The following PRKN variants were observed in gnomAD, a reference collection of about 807,000 sequenced individuals.
PRKN encodes E3 ubiquitin-protein ligase parkin.
Under a neutral mutation model 59.5 loss-of-function variants are expected in PRKN, and 56 were observed. That is an observed-to-expected ratio of 0.94 (90% CI 0.76 to 1.18). The LOEUF (loss-of-function observed/expected upper bound fraction) is 1.18. PRKN is among the 50% of genes most tolerant of loss of function. PRKN has a pLI of 0.00. For missense variants in PRKN, 657 were observed against 596.4 expected, an observed-to-expected ratio of 1.10 and a Z score of -1.06; for synonymous variants, 250 against 222.1, an observed-to-expected ratio of 1.13 and a Z score of -1.12.
chr6:161,531,151 G>T (rs1375443160), intron 9 of PRKN, among the ~76,000 whole-genome samples: 2 of 152,158 alleles, frequency 1.3e-5, no homozygotes, highest in Non-Finnish European at 2.9e-5. Flanking sequence ...GGAGGCTGAG[G>T]CGGGCAGATC....
chr6:161,520,245 GAA>G (rs1412579172), intron 9 of PRKN, among the ~76,000 whole-genome samples: 2 of 24,624 alleles, frequency 8.1e-5, no homozygotes, highest in African/African-American at 2.6e-4. Context: ...TTTTTTTTGA[GAA>G]AGAGTCTTGC....
intron 6 of PRKN, among the ~76,000 whole-genome samples, chr6:161,947,168 T>C (rs1562410139): frequency 6.6e-6 from 1 of 152,236 alleles, no homozygotes; most frequent in East Asian, 1.9e-4. Context: ...TATATGCATG[T>C]ACATACCTTT....
At chr6:161,876,428 C>A (rs1794733853) in intron 6 of PRKN, among the ~76,000 whole-genome samples, 1 of 152,138 alleles carries the variant, frequency 6.6e-6, no homozygotes, top group African/African-American at 2.4e-5. Flanking sequence ...CCCTTCACCC[C>A]AGCCACCCAA....
At chr6:162,715,844 TGG>T in intron 1 of PRKN, among the ~76,000 whole-genome samples, 1 of 152,336 alleles carries the variant, frequency 6.6e-6, no homozygotes, top group South Asian at 2.1e-4. Flanking sequence ...GCCATCTTGC[TGG>T]GGCCAGCCTC....
intron 6 of PRKN, among the ~76,000 whole-genome samples, chr6:161,869,957 T>G (rs1794277862): frequency 6.6e-6 from 1 of 152,240 alleles, no homozygotes; most frequent in Non-Finnish European, 1.5e-5. Flanking sequence ...TTCAGCCCAT[T>G]TTATTATTTT....
intron 2 of PRKN, among the ~76,000 whole-genome samples, chr6:162,276,352 T>A (rs565955770): frequency 2.6e-5 from 4 of 152,316 alleles, no homozygotes; most frequent in African/African-American, 9.6e-5. Flanking sequence ...AATCATAGTT[T>A]AAGTTTTTCT....
intron 6 of PRKN, among the ~76,000 whole-genome samples, chr6:161,856,177 C>T (rs1333833126): frequency 2.0e-5 from 3 of 151,906 alleles, no homozygotes; most frequent in Non-Finnish European, 2.9e-5. Context: ...CTGGTCAACA[C>T]GGTGAAACCC....
intron 9 of PRKN, among the ~76,000 whole-genome samples, chr6:161,495,313 C>T (rs936650417): frequency 1.3e-5 from 2 of 152,138 alleles, no homozygotes; most frequent in Admixed American, 6.5e-5. Context: ...TAGTTGTTAA[C>T]GTGTCAGACA....
rs530383922 is a variant in PRKN, at chr6:162,129,658, AC to A, written c.534+71472del. Among the ~76,000 whole-genome samples the A allele has an allele frequency of 3.6e-3, 549 of 152,296 alleles. 8 individuals are homozygous for A. The highest frequency in any genetic ancestry group is 0.012 in the African/African-American group (516 of 41,552). On this transcript the variant is annotated intron_variant, in intron 4 of 11. Transcript: ENST00000366898. The stretch of plus-strand genomic sequence containing the variant: ...AATTTTATAAAATAAAGTTAAATAT[AC>A]TAATTTCATTTTCAAATATTTAACA...
chr6:162,500,051 G>A (rs1793287140), intron 1 of PRKN, among the ~76,000 whole-genome samples: 3 of 152,046 alleles, frequency 2.0e-5, no homozygotes, highest in African/African-American at 7.2e-5. Context: ...AATGGTTCAT[G>A]GCTCATGGCA....
chr6:162,693,624 C>T (rs1236551021), intron 1 of PRKN, among the ~76,000 whole-genome samples: 1 of 152,128 alleles, frequency 6.6e-6, no homozygotes, highest in South Asian at 2.1e-4. Flanking sequence ...TTATGAGACA[C>T]CAATAGCTAC....
chr6:161,532,892 G>A (rs79707778), intron 9 of PRKN, among the ~76,000 whole-genome samples: 1,851 of 152,176 alleles, frequency 0.012, 36 homozygotes, highest in African/African-American at 0.042. Flanking sequence ...TGTCACTTGC[G>A]GGACTTTTCA....
Position 161,442,926 on chromosome 6 carries a change from C to T in PRKN, c.1084-56049G>A, listed in dbSNP as rs989222778. ...GTGTCCACGCTGCTCCTCAGGCAAG[C>T]CATTCTCCCCAGTGCACAGATGAGG... On this transcript the variant is annotated intron_variant, in intron 9 of 11. Transcript: ENST00000366898. The surrounding 1 kb of genome is among the most constrained non-coding windows in gnomAD (Gnocchi z 4.6). Among the ~76,000 whole-genome samples the T allele has an allele frequency of 6.6e-6, 1 of 152,216 alleles. No homozygotes were observed. Among genetic ancestry groups the T allele is most frequent in the African/African-American group, 2.4e-5 (1 of 41,448 alleles).
At chr6:162,412,918 T>C (rs1180820072) in intron 2 of PRKN, among the ~76,000 whole-genome samples, 1 of 152,232 alleles carries the variant, frequency 6.6e-6, no homozygotes, top group East Asian at 1.9e-4. Flanking sequence ...AAAACATTTT[T>C]TTAAACTTTC....
chr6:162,667,584 C>T (rs1382913294), intron 1 of PRKN, among the ~76,000 whole-genome samples: 1 of 151,938 alleles, frequency 6.6e-6, no homozygotes, highest in African/African-American at 2.4e-5. Context: ...GGAGTGACTC[C>T]ATTATGGTAA....
intron 1 of PRKN, among the ~76,000 whole-genome samples, chr6:162,467,354 C>T (rs1791472789): frequency 1.3e-5 from 2 of 152,112 alleles, no homozygotes; most frequent in African/African-American, 2.4e-5. Flanking sequence ...GGGAGGTATT[C>T]ATTCAAGCAC....
At position 161,938,809 on chromosome 6, in the gene PRKN, G is replaced by A. The variant is rs748530788; in HGVS notation, c.734+34493C>T. Among the ~76,000 whole-genome samples, 24 of 152,112 alleles carry A rather than the reference G, an allele frequency of 1.6e-4. 1 individual carries two copies. Among genetic ancestry groups the A allele is most frequent in the Non-Finnish European group, 3.4e-4 (23 of 68,026 alleles). On this transcript the variant is annotated intron_variant, in intron 6 of 11. Transcript: ENST00000366898. ...TTTTGTCTATGTTTTAGAAATGTGAGTGATTCTTTCCTCCTCAACAAAAAC... is the reference window on the plus strand; with the variant it reads ...TTTTGTCTATGTTTTAGAAATGTGAATGATTCTTTCCTCCTCAACAAAAAC...
intron 2 of PRKN, among the ~76,000 whole-genome samples, chr6:162,393,935 T>C (rs1787347084): frequency 6.6e-6 from 1 of 152,212 alleles, no homozygotes; most frequent in South Asian, 2.1e-4. Flanking sequence ...TCAGACATGA[T>C]TATATGGTCA....
At chr6:162,329,053 A>G (rs1783445485) in intron 2 of PRKN, among the ~76,000 whole-genome samples, 1 of 152,190 alleles carries the variant, frequency 6.6e-6, no homozygotes, top group African/African-American at 2.4e-5. Context: ...GCGTATCTGT[A>G]TGTGTTCGGG....
Sources: allele counts gnomAD v4.1 joint callset (sites outside exome capture counted in the v4.1 genomes callset), GRCh38; gene constraint gnomAD v4.1.1; non-coding constraint Gnocchi (gnomAD v3.1); transcripts MANE v1.5; gene names NCBI Gene and HGNC (gene_info 2026-07-23, HGNC 2026-07-21).